The following UVSSA variants were observed in gnomAD, a reference collection of about 807,000 sequenced individuals.
UVSSA encodes the protein UV stimulated scaffold protein A.
UVSSA carries 72 observed loss-of-function variants against 73.9 expected under a neutral mutation model. That is an observed-to-expected ratio of 0.97 (90% CI 0.81 to 1.19). The LOEUF is 1.19. Ranked by LOEUF, UVSSA falls within the 50% of genes most tolerant of loss-of-function variation. The pLI is 0.00. For synonymous variants in UVSSA, 454 were observed against 391.3 expected (o/e 1.16, Z -1.89); for missense variants, 1,150 against 965.0 (o/e 1.19, Z -2.54).
intron 7 of UVSSA, 157 bp from the exon 8 acceptor site, chr4:1,366,163 G>A (rs745375368): frequency 2.7e-5 from 17 of 634,974 alleles, no homozygotes; most frequent in Non-Finnish European, 4.5e-5. Flanking sequence ...CAGCCTTGGA[G>A]ACGATCTTAA....
rs762685790 is a variant in UVSSA, at chr4:1,380,214, G to T, written c.1736G>T (p.Arg579Leu). Residue 579 changes from arginine (R) to leucine (L), a missense_variant, in exon 11 of 14, where the codon CGC becomes CTC. By Grantham distance (102) the Arg-to-Leu change is moderately radical (BLOSUM62 -2). Coordinates refer to ENST00000389851, the MANE Select transcript of UVSSA (RefSeq NM_020894.4). Reference protein sequence around the residue: ...APRPDGRLCERQDRLKCPFHG... With the variant: ...APRPDGRLCELQDRLKCPFHG... ...AGGCCAGACGGCCGGCTCTGTGAGCGCCAAGACCGGCTGAAGGTGAGGCCG... is the reference window on the plus strand; with the variant it reads ...AGGCCAGACGGCCGGCTCTGTGAGCTCCAAGACCGGCTGAAGGTGAGGCCG... The T allele has an allele frequency of 3.7e-6, 6 of 1,611,538 alleles. No individual in the cohort carries two copies. In the African/African-American group the frequency reaches 6.7e-5, roughly 18 times the overall value.
intron 9 of UVSSA, 139 bp from the exon 10 acceptor site, chr4:1,375,895 C>T (rs1718703362): frequency 7.4e-7 from 1 of 1,353,102 alleles, no homozygotes; most frequent in East Asian, 2.5e-5. Context: ...CCCTGAGGCC[C>T]AGGCGTCGTG....
intron 12 of UVSSA, among the ~76,000 whole-genome samples, chr4:1,381,215 A>G (rs1719458043): frequency 6.6e-6 from 1 of 152,206 alleles, no homozygotes; most frequent in African/African-American, 2.4e-5. Flanking sequence ...TCACGTGTTC[A>G]TGAGGCCCTG....
At position 1,384,035 on chromosome 4, in the gene UVSSA, T is replaced by C. The variant is rs1719821960; in HGVS notation, c.2036+95T>C. On this transcript the variant is annotated intron_variant, in intron 13 of 13. Coordinates refer to ENST00000389851, the MANE Select transcript of UVSSA (RefSeq NM_020894.4). ...CTGAGCGCCAAGATATTCCAGGGAC[T>C]TGGGGCCTCCAGGGGCTCCCCTGCT... 2.1e-6 allele frequency: 3 copies of C among 1,416,118 alleles called. No homozygotes were observed. In the African/African-American group the frequency reaches 4.3e-5, roughly 20 times the overall value. The allele number at this position is 1,416,118 out of a possible 1,614,324, so 87.7% of individuals were successfully genotyped here.
chr4:1,374,385 G>A (rs901915749), intron 8 of UVSSA, among the ~76,000 whole-genome samples: 3 of 152,240 alleles, frequency 2.0e-5, no homozygotes, highest in East Asian at 3.9e-4. Context: ...GAGAGGCGCC[G>A]TCAGGGTCGG....
At chr4:1,383,732 G>T (rs1186817593) in intron 12 of UVSSA, 34 bp from the exon 13 acceptor site, 2 of 1,611,434 alleles carry the variant, frequency 1.2e-6, no homozygotes, top group Admixed American at 1.7e-5. Context: ...GTCAGTGCCA[G>T]ACGTCTCCTG....
At chr4:1,395,911 T>C in exon 14 of UVSSA, 1 of 1,575,880 alleles carries the variant, frequency 6.3e-7, no homozygotes, top group Non-Finnish European at 8.6e-7. Flanking sequence ...AATTCAGGAC[T>C]GATTTGTTAG....
At chr4:1,395,527 G>T (rs1386885504) in exon 14 of UVSSA, 2 of 1,599,410 alleles carry the variant, frequency 1.3e-6, no homozygotes, top group South Asian at 2.2e-5. Context: ...TGCCGATGTG[G>T]AGTGCCCGCC....
At chr4:1,355,061 A>T (rs1715486313) in intron 6 of UVSSA, 56 bp from the exon 7 acceptor site, 1 of 1,597,842 alleles carries the variant, frequency 6.3e-7, no homozygotes, top group Admixed American at 1.7e-5. Context: ...CCAGCAGGAC[A>T]GCTTCCCAGG....
At chr4:1,343,533 C>T (rs1388495616), upstream of UVSSA, among the ~76,000 whole-genome samples, 1 of 152,100 alleles carries the variant, frequency 6.6e-6, no homozygotes, top group Non-Finnish European at 1.5e-5. Context: ...AGATCCTTCT[C>T]GCATCTAAGG....
In UVSSA at chr4:1,384,206, T is replaced by C. The variant is rs966392038; in HGVS notation, c.2036+266T>C. The C allele has an allele frequency of 1.5e-5, 7 of 479,174 alleles. No individual in the cohort carries two copies. The East Asian group carries it at 1.5e-4, about 10-fold the overall frequency. 29.7% of individuals were successfully genotyped at this position (479,174 alleles called of 1,614,324 possible). On this transcript the variant is annotated intron_variant, in intron 13 of 13. Coordinates refer to ENST00000389851, the MANE Select transcript of UVSSA (RefSeq NM_020894.4). ...GACCGCCAGGCACCGCCATCCTCGC[T>C]TCCTGGGGGAGCCATGCCAGGACAC...
intron 7 of UVSSA, among the ~76,000 whole-genome samples, chr4:1,363,481 C>T (rs1186897913): frequency 8.5e-5 from 13 of 152,188 alleles, no homozygotes; most frequent in Admixed American, 2.6e-4. Context: ...TTGAAAACGA[C>T]GCCCATATTT....
chr4:1,372,681 T>TCTA (rs1718211096), intron 8 of UVSSA, among the ~76,000 whole-genome samples: 1 of 135,300 alleles, frequency 7.4e-6, no homozygotes, highest in Admixed American at 7.6e-5. Flanking sequence ...CTCCCGCGTC[T>TCTA]CAGGGCACTC....
intron 8 of UVSSA, among the ~76,000 whole-genome samples, chr4:1,374,429 G>A (rs888064240): frequency 2.0e-5 from 3 of 152,256 alleles, no homozygotes; most frequent in Non-Finnish European, 2.9e-5. Flanking sequence ...AGAGCCAAGC[G>A]CAGGCTGTGG....
intron 2 of UVSSA, 92 bp from the exon 3 acceptor site, chr4:1,349,432 C>T (rs535199724): frequency 7.9e-7 from 1 of 1,263,426 alleles, no homozygotes; most frequent in East Asian, 2.4e-5. Flanking sequence ...TGGTCCCTGC[C>T]ACACGTGCGT....
intron 8 of UVSSA, among the ~76,000 whole-genome samples, chr4:1,372,838 AGG>A (rs1261727088): frequency 0.028 from 404 of 14,444 alleles, 55 homozygotes; most frequent in African/African-American, 0.084. Flanking sequence ...CCCGCGTCTC[AGG>A]GCACTCACCT....
At chr4:1,359,096 T>G (rs1716235557) in intron 7 of UVSSA, 1 of 152,274 alleles carries the variant, frequency 6.6e-6, no homozygotes, top group African/African-American at 2.4e-5. Context: ...CTGTTTTCCT[T>G]TTGACGCAGA....
chr4:1,366,882 T>C (rs1717399639), intron 8 of UVSSA, among the ~76,000 whole-genome samples: 1 of 152,190 alleles, frequency 6.6e-6, no homozygotes, highest in African/African-American at 2.4e-5. Flanking sequence ...GCAGCCCTGC[T>C]CAGGGACAGA....
Position 1,349,598 on chromosome 4 carries a change from G to A in UVSSA, c.173G>A (p.Arg58His), listed in dbSNP as rs945790378. ...AQLTQEHAEIRLSAFQIVEEL... is the reference protein window; with the variant it reads ...AQLTQEHAEIHLSAFQIVEEL... ...CTGACCCAGGAGCACGCCGAGATCC[G>A]TCTCTCAGCCTTCCAGATTGTGGAG... Residue 58 changes from arginine (R) to histidine (H), a missense_variant, in exon 3 of 14, where the codon CGT (arginine) becomes CAT (histidine). Transcript: ENST00000389851. The A allele has an allele frequency of 9.3e-6, 15 of 1,614,040 alleles. No homozygotes were observed. The highest frequency in any genetic ancestry group is 2.2e-5 in the East Asian group (1 of 44,900).
Sources: allele counts gnomAD v4.1 joint callset (sites outside exome capture counted in the v4.1 genomes callset), GRCh38; gene constraint gnomAD v4.1.1; transcripts MANE v1.5; gene names NCBI Gene and HGNC (gene_info 2026-07-23, HGNC 2026-07-21).